The following AUTS2 variants were observed in gnomAD, a reference collection of about 807,000 sequenced individuals.
The protein encoded by AUTS2 is autism susceptibility gene 2 protein.
In AUTS2, 17 loss-of-function variants were observed where a neutral mutation model predicts 112.4. That is an observed-to-expected ratio of 0.15 (90% CI 0.10 to 0.23). The LOEUF (loss-of-function observed/expected upper bound fraction) is 0.23. Among genes scored for constraint, AUTS2 ranks in the 10% least tolerant of loss-of-function variants. The pLI is 1.00. For missense variants in AUTS2, 1,510 were observed against 1,701.6 expected, an observed-to-expected ratio of 0.89 and a Z score of 1.98; for synonymous variants, 751 against 702.7, an observed-to-expected ratio of 1.07 and a Z score of -1.09.
rs186090540 is a variant in AUTS2, at chr7:69,730,518, G to A, written c.309+130556G>A. Among the ~76,000 whole-genome samples, 8 of 152,236 alleles carry A rather than the reference G, an allele frequency of 5.3e-5. No homozygotes were observed. The South Asian group carries it at 1.0e-3, about 20-fold the overall frequency. On this transcript the variant is annotated intron_variant, in intron 1 of 18. Coordinates refer to ENST00000342771, the MANE Select transcript of AUTS2 (RefSeq NM_015570.4). ...GAAAGGTGGGCTAAATCAGGAGCTC[G>A]TGTTATTCATATCTTGGGAGAGGAA...
intron 2 of AUTS2, among the ~76,000 whole-genome samples, chr7:69,906,340 A>G (rs906526943): frequency 6.6e-6 from 1 of 152,254 alleles, no homozygotes; most frequent in Non-Finnish European, 1.5e-5. Context: ...CTCTGTTCAC[A>G]GCAATCTTGT....
At position 70,135,316 on chromosome 7, in the gene AUTS2, T is replaced by A. The variant is rs551783519; in HGVS notation, c.660+745T>A. Among the ~76,000 whole-genome samples the A allele has an allele frequency of 2.0e-5, 3 of 152,148 alleles. No homozygotes were observed. The East Asian group carries it at 5.8e-4, about 29-fold the overall frequency. ...GATACAAATGAAAAAGAGTGACAAATAAGCATTATTTGTACAATAGGATAA... is the reference window on the plus strand; with the variant it reads ...GATACAAATGAAAAAGAGTGACAAAAAAGCATTATTTGTACAATAGGATAA... On this transcript the variant is annotated intron_variant, in intron 4 of 18. Transcript: ENST00000342771.
intron 1 of AUTS2, among the ~76,000 whole-genome samples, chr7:69,849,249 C>T (rs184568736): frequency 2.0e-4 from 30 of 152,296 alleles, no homozygotes; most frequent in Admixed American, 1.1e-3. Flanking sequence ...ATCTTGTGAC[C>T]TTCAACAAGT....
At chr7:69,968,644 G>T (rs912128460) in intron 2 of AUTS2, among the ~76,000 whole-genome samples, 4 of 152,088 alleles carry the variant, frequency 2.6e-5, no homozygotes, top group African/African-American at 9.7e-5. Flanking sequence ...TTCCCTCCTT[G>T]ATTTGATTGT....
chr7:70,415,677 C>G (rs548165369), intron 4 of AUTS2, among the ~76,000 whole-genome samples: 1 of 152,312 alleles, frequency 6.6e-6, no homozygotes, highest in East Asian at 1.9e-4. Flanking sequence ...ACCCCAACAT[C>G]TCTGCCACTT....
intron 17 of AUTS2, 36 bp downstream of exon 17, chr7:70,786,074 C>T (rs770893560): frequency 6.4e-7 from 1 of 1,557,742 alleles, no homozygotes; most frequent in Non-Finnish European, 8.9e-7. Context: ...CTGCCTTGGA[C>T]TTTTTATCTC....
chr7:70,747,674 A>G (rs1308819282), intron 6 of AUTS2, among the ~76,000 whole-genome samples: 1 of 150,732 alleles, frequency 6.6e-6, no homozygotes, highest in African/African-American at 2.5e-5. Context: ...TGTAGTAGAG[A>G]TGGGGTTTCG....
chr7:69,600,735 TTTAG>T (rs879614845), intron 1 of AUTS2, among the ~76,000 whole-genome samples: 61 of 151,990 alleles, frequency 4.0e-4, no homozygotes, highest in Non-Finnish European at 6.6e-4. Context: ...ACATGAGCAA[TTTAG>T]TTAAAGGACA....
chr7:70,768,194 G>A (rs1790058100), intron 10 of AUTS2, 126 bp downstream of exon 10: 9 of 890,002 alleles, frequency 1.0e-5, no homozygotes, highest in Non-Finnish European at 1.5e-5. Context: ...ATTGCTCCTC[G>A]CCACTTTGGA....
At position 69,712,467 on chromosome 7, in the gene AUTS2, A is replaced by G. The variant is rs183075061; in HGVS notation, c.309+112505A>G. 8.5e-5 allele frequency among the ~76,000 whole-genome samples: 13 copies of G among 152,238 alleles called. 1 individual carries two copies. In the Middle Eastern group the frequency reaches 0.01, roughly 119 times the overall value. On this transcript the variant is annotated intron_variant, in intron 1 of 18. Transcript: ENST00000342771. ...ACTTCCAACAATTACGTGTAAATGA[A>G]TCTCATATAGTATGTACTGTTTTCT...
At chr7:70,328,413 G>A (rs1456775103) in intron 4 of AUTS2, among the ~76,000 whole-genome samples, 3 of 152,030 alleles carry the variant, frequency 2.0e-5, no homozygotes, top group East Asian at 1.9e-4. Context: ...ATAGAGACAA[G>A]GTCTTGCTTT....
chr7:70,750,267 G>A (rs1788719139), intron 6 of AUTS2, among the ~76,000 whole-genome samples: 1 of 152,140 alleles, frequency 6.6e-6, no homozygotes, highest in East Asian at 1.9e-4. Flanking sequence ...CGGGTGCGGA[G>A]AGTATGTGTG....
chr7:70,235,225 C>A (rs1465052805), intron 4 of AUTS2, among the ~76,000 whole-genome samples: 1 of 152,038 alleles, frequency 6.6e-6, no homozygotes, highest in East Asian at 1.9e-4. Flanking sequence ...CCTGGAACTC[C>A]TGGGCTCAAG....
At chr7:70,448,914 G>A (rs2131035033) in intron 5 of AUTS2, among the ~76,000 whole-genome samples, 1 of 152,282 alleles carries the variant, frequency 6.6e-6, no homozygotes, top group South Asian at 2.1e-4. Flanking sequence ...TGCTTACAGT[G>A]CAACTCCACC....
chr7:69,950,592 T>C (rs1796985835), intron 2 of AUTS2, among the ~76,000 whole-genome samples: 1 of 152,148 alleles, frequency 6.6e-6, no homozygotes, highest in Admixed American at 6.6e-5. Context: ...AAACTTTTAT[T>C]CTAATTTCAT....
At chr7:70,752,178 A>C (rs540126584) in intron 6 of AUTS2, among the ~76,000 whole-genome samples, 1 of 152,094 alleles carries the variant, frequency 6.6e-6, no homozygotes, top group African/African-American at 2.4e-5. Flanking sequence ...GGAAGGCTGC[A>C]CTGGGAATGG....
intron 4 of AUTS2, among the ~76,000 whole-genome samples, chr7:70,386,672 T>C (rs1793622995): frequency 6.6e-6 from 1 of 152,216 alleles, no homozygotes; most frequent in Non-Finnish European, 1.5e-5. Context: ...AATATTCCAT[T>C]GGGGGTTGCT....
chr7:70,472,775 A>G (rs571384734), intron 5 of AUTS2, among the ~76,000 whole-genome samples: 45 of 152,192 alleles, frequency 3.0e-4, no homozygotes, highest in Non-Finnish European at 5.9e-4. Flanking sequence ...TCCTGTTCTT[A>G]CCACTCTGTC....
chr7:70,559,581 G>A (rs1344807960), intron 5 of AUTS2, among the ~76,000 whole-genome samples: 1 of 152,134 alleles, frequency 6.6e-6, no homozygotes, highest in African/African-American at 2.4e-5. Context: ...TGATCCACCT[G>A]CCTTGGCCTT....
Sources: gnomAD v4.1 joint callset for allele counts (sites outside exome capture counted in the v4.1 genomes callset) on GRCh38, gnomAD v4.1.1 for gene constraint, MANE v1.5 for transcripts, NCBI Gene and HGNC (gene_info 2026-07-23, HGNC 2026-07-21) for gene names.